Variants in TMEM132B observed in about 807,000 individuals in gnomAD.
TMEM132B encodes the protein transmembrane protein 132B.
In TMEM132B, 18 loss-of-function variants were observed where a neutral mutation model predicts 90.8. The observed-to-expected ratio is 0.20, with a 90% CI of 0.14 to 0.29. The LOEUF (loss-of-function observed/expected upper bound fraction) is 0.29. Ranked by LOEUF, TMEM132B falls within the 10% of genes least tolerant of loss-of-function variation. TMEM132B has a pLI of 1.00. For missense variants in TMEM132B, 1,096 were observed against 1,326.8 expected, an observed-to-expected ratio of 0.83 and a Z score of 2.70; for synonymous variants, 504 against 523.3, an observed-to-expected ratio of 0.96 and a Z score of 0.50.
At chr12:125,302,540 C>A (rs1875858077) in intron 1 of TMEM132B, among the ~76,000 whole-genome samples, 1 of 152,118 alleles carries the variant, frequency 6.6e-6, no homozygotes, top group Non-Finnish European at 1.5e-5. Flanking sequence ...TACAGACACA[C>A]AATCTATAAC....
intron 1 of TMEM132B, among the ~76,000 whole-genome samples, chr12:125,271,821 T>C (rs1874844221): frequency 6.6e-6 from 1 of 152,004 alleles, no homozygotes; most frequent in Admixed American, 6.6e-5. Flanking sequence ...ATATCTACAG[T>C]ATTCTCTGGC....
chr12:125,573,531 T>A (rs1884856780), intron 4 of TMEM132B, among the ~76,000 whole-genome samples: 1 of 152,236 alleles, frequency 6.6e-6, no homozygotes, highest in African/African-American at 2.4e-5. Flanking sequence ...ATCTTTAGCC[T>A]GAGAGTACAT....
At chr12:125,283,564 A>G (rs895864309) in intron 1 of TMEM132B, among the ~76,000 whole-genome samples, 3 of 152,194 alleles carry the variant, frequency 2.0e-5, no homozygotes, top group African/African-American at 7.2e-5. Context: ...TGTAATTACC[A>G]TGAGTGCCAG....
rs548275641 is a variant in TMEM132B at position 125,604,607 on chromosome 12, G to A, written c.1437+20613G>A. On this transcript the variant is annotated intron_variant, in intron 5 of 8. Transcript: ENST00000682704. ...CTGCACTTGTATCCCAGAACTTAAA[G>A]TAAAATAAAAAAAATAAATAAATTG... 7.4e-3 allele frequency among the ~76,000 whole-genome samples: 1,122 copies of A among 152,218 alleles called. 41 individuals are homozygous for A. The highest frequency in any genetic ancestry group is 2.3e-3 in the Non-Finnish European group (155 of 68,006).
At chr12:125,231,947 A>C (rs558154426) in intron 1 of TMEM132B, among the ~76,000 whole-genome samples, 16 of 152,098 alleles carry the variant, frequency 1.1e-4, no homozygotes, top group Non-Finnish European at 2.4e-4. Context: ...ATTCTAGAAA[A>C]ATATATGCAC....
intron 1 of TMEM132B, among the ~76,000 whole-genome samples, chr12:125,308,832 T>TC (rs1443995378): frequency 7.9e-5 from 12 of 152,292 alleles, no homozygotes; most frequent in African/African-American, 2.4e-4. Flanking sequence ...CTCAATTCCA[T>TC]CCCCTCTCCC....
intron 4 of TMEM132B, among the ~76,000 whole-genome samples, chr12:125,557,269 A>G (rs1884413524): frequency 6.6e-6 from 1 of 152,128 alleles, no homozygotes; most frequent in South Asian, 2.1e-4. Flanking sequence ...GTTGAACTAC[A>G]TGCCGGCCCC....
intron 1 of TMEM132B, among the ~76,000 whole-genome samples, chr12:125,285,333 G>A (rs938906350): frequency 6.6e-6 from 1 of 152,222 alleles, no homozygotes; most frequent in Non-Finnish European, 1.5e-5. Flanking sequence ...AGCTACAATG[G>A]TAGATAGAGT....
chr12:125,345,918 A>T (rs1189882202), intron 1 of TMEM132B, among the ~76,000 whole-genome samples: 1 of 152,212 alleles, frequency 6.6e-6, no homozygotes. Context: ...ACTATGTGAC[A>T]TTTTGGGATT....
intron 1 of TMEM132B, among the ~76,000 whole-genome samples, chr12:125,221,381 G>C (rs542739888): frequency 6.6e-6 from 1 of 152,170 alleles, no homozygotes; most frequent in Non-Finnish European, 1.5e-5. Flanking sequence ...AAAGCTTCCC[G>C]TCTAGTCGGA....
intron 2 of TMEM132B, among the ~76,000 whole-genome samples, chr12:125,367,139 T>G (rs1878158584): frequency 6.6e-6 from 1 of 152,216 alleles, no homozygotes; most frequent in Non-Finnish European, 1.5e-5. Flanking sequence ...TTCTGGTAAT[T>G]CTAACATCTG....
rs575694888 is a variant in TMEM132B, at chr12:125,638,638, C to T, written c.1438-5438C>T. Among the ~76,000 whole-genome samples, 13 of 152,042 alleles carry T rather than the reference C, an allele frequency of 8.6e-5. No individual in the cohort carries two copies. The East Asian group carries it at 1.5e-3, about 18-fold the overall frequency. On this transcript the variant is annotated intron_variant, in intron 5 of 8. Coordinates refer to ENST00000682704, the MANE Select transcript of TMEM132B (RefSeq NM_001366854.1). Reference sequence around the variant, plus strand: ...TCTTCTAACATAGCAGCACATGTCTCGGGTTGGCAGAGGGGTCGTGAGGGA... The same window carrying T: ...TCTTCTAACATAGCAGCACATGTCTTGGGTTGGCAGAGGGGTCGTGAGGGA...
intron 5 of TMEM132B, among the ~76,000 whole-genome samples, chr12:125,589,243 G>A (rs547523105): frequency 1.3e-5 from 2 of 152,258 alleles, no homozygotes; most frequent in South Asian, 2.1e-4. Flanking sequence ...AGCACTTTGG[G>A]AGGCCAAGGC....
At chr12:125,488,641 G>A (rs908586828) in intron 3 of TMEM132B, among the ~76,000 whole-genome samples, 3 of 152,150 alleles carry the variant, frequency 2.0e-5, no homozygotes, top group Admixed American at 1.3e-4. Flanking sequence ...GGCCTCCCCA[G>A]CCACGTGGAA....
At chr12:125,346,346 A>C (rs1877361729) in intron 1 of TMEM132B, among the ~76,000 whole-genome samples, 1 of 152,252 alleles carries the variant, frequency 6.6e-6, no homozygotes, top group Non-Finnish European at 1.5e-5. Flanking sequence ...TTTGTAAATA[A>C]ATCAGAATTT....
At chr12:125,604,269 A>C (rs1885636282) in intron 5 of TMEM132B, among the ~76,000 whole-genome samples, 1 of 149,442 alleles carries the variant, frequency 6.7e-6, no homozygotes, top group Non-Finnish European at 1.5e-5. Flanking sequence ...TGCAGCCATA[A>C]AAGGGAATGA....
chr12:125,435,729 A>AG (rs1392290218), intron 3 of TMEM132B, among the ~76,000 whole-genome samples: 2 of 152,210 alleles, frequency 1.3e-5, no homozygotes, highest in East Asian at 3.9e-4. Context: ...ATGCCGGTGT[A>AG]GGGAAATCCC....
At chr12:125,625,287 C>A (rs540674587) in intron 5 of TMEM132B, among the ~76,000 whole-genome samples, 2 of 152,136 alleles carry the variant, frequency 1.3e-5, no homozygotes, top group East Asian at 1.9e-4. Context: ...CGCCCGCCCC[C>A]ACGCCCAGCT....
At chr12:125,211,018 C>A (rs1873306341) in intron 1 of TMEM132B, among the ~76,000 whole-genome samples, 1 of 151,894 alleles carries the variant, frequency 6.6e-6, no homozygotes, top group Non-Finnish European at 1.5e-5. Context: ...TTGCAGTGAT[C>A]TGAGCTTGTG....
Sources: gnomAD v4.1 joint callset for allele counts (sites outside exome capture counted in the v4.1 genomes callset) on GRCh38, gnomAD v4.1.1 for gene constraint, MANE v1.5 for transcripts, NCBI Gene and HGNC (gene_info 2026-07-23, HGNC 2026-07-21) for gene names.